NLGN1: variants seen among roughly 807,000 people sequenced by gnomAD.
The protein encoded by NLGN1 is neuroligin 1, also known as neuroligin-1.
In NLGN1, 12 loss-of-function variants were observed where a neutral mutation model predicts 65.5. The ratio of observed to expected loss-of-function variants is 0.18; its 90% confidence interval spans 0.12 to 0.30. The LOEUF is 0.30. NLGN1 is among the 10% of genes least tolerant of loss of function. NLGN1 has a pLI of 1.00. For synonymous variants in NLGN1, 350 were observed against 359.5 expected, an observed-to-expected ratio of 0.97 and a Z score of 0.30; for missense variants, 750 against 1,007.1, an observed-to-expected ratio of 0.74 and a Z score of 3.46.
intron 3 of NLGN1, among the ~76,000 whole-genome samples, chr3:173,730,937 A>G (rs531057827): frequency 3.6e-4 from 55 of 152,228 alleles, no homozygotes; most frequent in African/African-American, 1.2e-3. Flanking sequence ...TTAAAGAGAA[A>G]GCAAACGTAT....
intron 4 of NLGN1, among the ~76,000 whole-genome samples, chr3:173,808,675 A>G (rs186387118): frequency 2.6e-5 from 4 of 152,296 alleles, no homozygotes; most frequent in Non-Finnish European, 5.9e-5. Flanking sequence ...AAAGAGCACA[A>G]TGCATCCACA....
chr3:173,843,422 GT>G (rs1319901509), intron 4 of NLGN1, among the ~76,000 whole-genome samples: 2 of 152,160 alleles, frequency 1.3e-5, no homozygotes, highest in African/African-American at 4.8e-5. Flanking sequence ...CTATTGCATT[GT>G]CAGGCTGCAA....
At chr3:174,030,246 C>G (rs1238730348) in intron 4 of NLGN1, among the ~76,000 whole-genome samples, 1 of 151,908 alleles carries the variant, frequency 6.6e-6, no homozygotes, top group African/African-American at 2.4e-5. Flanking sequence ...CTGCCTCAGC[C>G]TCCCAAGTAG....
At position 173,897,595 on chromosome 3, in the gene NLGN1, A is replaced by G. The variant is rs566996735; in HGVS notation, c.646+89763A>G. Among the ~76,000 whole-genome samples the G allele has an allele frequency of 3.9e-5, 6 of 152,340 alleles. No individual in the cohort carries two copies. The East Asian group carries it at 7.7e-4, about 20-fold the overall frequency. ...AATTTTACTTTTGGAGTAAAATCCA[A>G]TGACAATTTACATTTTGATCTCATT... On this transcript the variant is annotated intron_variant, in intron 4 of 6. Coordinates refer to ENST00000457714, the Ensembl canonical transcript of NLGN1.
intron 3 of NLGN1, among the ~76,000 whole-genome samples, chr3:173,766,597 G>T (rs1235051581): frequency 6.6e-6 from 1 of 152,046 alleles, no homozygotes; most frequent in African/African-American, 2.4e-5. Context: ...TCCCTATTAT[G>T]TTATTTCTCT....
At chr3:174,013,305 G>A (rs183455064) in intron 4 of NLGN1, among the ~76,000 whole-genome samples, 1 of 152,214 alleles carries the variant, frequency 6.6e-6, no homozygotes, top group South Asian at 2.1e-4. Context: ...ACTTTGAAAG[G>A]TTCTACTGTT....
At chr3:173,480,594 C>T (rs1727111900) in intron 2 of NLGN1, among the ~76,000 whole-genome samples, 1 of 152,080 alleles carries the variant, frequency 6.6e-6, no homozygotes, top group African/African-American at 2.4e-5. Flanking sequence ...ATTACCCAAT[C>T]AAGGACATCA....
chr3:173,673,810 C>T (rs1762775921), intron 3 of NLGN1, among the ~76,000 whole-genome samples: 1 of 151,882 alleles, frequency 6.6e-6, no homozygotes, highest in Non-Finnish European at 1.5e-5. Flanking sequence ...ACAAAACGCA[C>T]AAACAAAGCA....
intron 2 of NLGN1, among the ~76,000 whole-genome samples, chr3:173,548,397 T>C (rs1740255998): frequency 6.6e-6 from 1 of 151,976 alleles, no homozygotes; most frequent in African/African-American, 2.4e-5. Context: ...TGCCTTACTA[T>C]AATGAAAAAG....
At chr3:173,950,969 C>T (rs116228012) in intron 4 of NLGN1, among the ~76,000 whole-genome samples, 1,804 of 151,922 alleles carry the variant, frequency 0.012, 26 homozygotes, top group African/African-American at 0.042. Flanking sequence ...CGGGTTCAAG[C>T]GTTTCTCCTG....
In NLGN1 at chr3:173,812,773, G is replaced by A. The variant is rs564521858; in HGVS notation, c.646+4941G>A. On this transcript the variant is annotated intron_variant, in intron 4 of 6. Coordinates refer to ENST00000457714, the Ensembl canonical transcript of NLGN1. ...TGTGTGTGCGTGTATATATATATAT[G>A]TGTGTGTATATATATATGTATTTTT... Among the ~76,000 whole-genome samples, 11 of 145,564 alleles carry A rather than the reference G, an allele frequency of 7.6e-5. No individual in the cohort carries two copies. In the South Asian group the frequency reaches 1.9e-3, roughly 25 times the overall value.
At chr3:173,739,405 GA>G (rs1774281434) in intron 3 of NLGN1, among the ~76,000 whole-genome samples, 1 of 152,088 alleles carries the variant, frequency 6.6e-6, no homozygotes, top group Non-Finnish European at 1.5e-5. Flanking sequence ...GGCTACCAAT[GA>G]AAGGTCCAGG....
intron 3 of NLGN1, among the ~76,000 whole-genome samples, chr3:173,761,019 G>T (rs1578304795): frequency 1.3e-5 from 2 of 152,008 alleles, no homozygotes; most frequent in South Asian, 2.1e-4. Flanking sequence ...GAAACTGATT[G>T]TGGTAGCCTC....
chr3:174,106,737 G>A (rs1431400747), intron 4 of NLGN1, among the ~76,000 whole-genome samples: 1 of 151,930 alleles, frequency 6.6e-6, no homozygotes, highest in African/African-American at 2.4e-5. Flanking sequence ...CCATCTGCAA[G>A]CTGGAGAACT....
chr3:173,931,033 G>A (rs541725001), intron 4 of NLGN1, among the ~76,000 whole-genome samples: 1 of 152,234 alleles, frequency 6.6e-6, no homozygotes, highest in African/African-American at 2.4e-5. Flanking sequence ...ATCCATTATT[G>A]TAATTTGCTA....
chr3:174,067,355 T>A (rs888729891), intron 4 of NLGN1, among the ~76,000 whole-genome samples: 7 of 152,194 alleles, frequency 4.6e-5, no homozygotes, highest in African/African-American at 9.6e-5. Flanking sequence ...CTGTAATAAC[T>A]TTTATTTCTA....
intron 1 of NLGN1, among the ~76,000 whole-genome samples, chr3:173,416,281 T>C (rs1713776671): frequency 6.6e-6 from 1 of 152,216 alleles, no homozygotes; most frequent in Non-Finnish European, 1.5e-5. Context: ...CTAAGCCTCA[T>C]TTCTTCATTT....
At chr3:173,528,582 A>G (rs1039221090) in intron 2 of NLGN1, among the ~76,000 whole-genome samples, 1 of 152,134 alleles carries the variant, frequency 6.6e-6, no homozygotes, top group East Asian at 1.9e-4. Flanking sequence ...ACTATAATTC[A>G]TAGGTTTGGT....
intron 4 of NLGN1, among the ~76,000 whole-genome samples, chr3:173,824,973 A>C (rs1001474402): frequency 6.6e-6 from 1 of 152,034 alleles, no homozygotes; most frequent in African/African-American, 2.4e-5. Flanking sequence ...AGGTTCTTTC[A>C]GTTTTGTGAG....
Sources: allele counts gnomAD v4.1 joint callset (sites outside exome capture counted in the v4.1 genomes callset), GRCh38; gene constraint gnomAD v4.1.1; transcripts MANE v1.5; gene names NCBI Gene and HGNC (gene_info 2026-07-23, HGNC 2026-07-21).